Variants in ITPRID2 observed in about 807,000 individuals in gnomAD.
ITPRID2 encodes ITPR interacting domain containing 2.
In ITPRID2, 60 loss-of-function variants were observed where a neutral mutation model predicts 124.3. That is an observed-to-expected ratio of 0.48 (90% CI 0.39 to 0.60). ITPRID2 has a LOEUF of 0.60. Ranked by LOEUF, ITPRID2 falls within the 20% of genes least tolerant of loss-of-function variation. The pLI is 0.00. For missense variants in ITPRID2, 1,553 were observed against 1,512.2 expected (o/e 1.03, Z -0.45); for synonymous variants, 521 against 542.9 (o/e 0.96, Z 0.56).
chr2:181,920,753 AT>A, intron 15 of ITPRID2, 91 bp downstream of exon 15: 2 of 920,624 alleles, frequency 2.2e-6, no homozygotes, highest in Non-Finnish European at 3.4e-6. Flanking sequence ...ATATATGTTT[AT>A]TTTAAATACA....
chr2:181,913,069 A>ATTT (rs200694653), intron 9 of ITPRID2, among the ~76,000 whole-genome samples: 3 of 151,124 alleles, frequency 2.0e-5, no homozygotes, highest in African/African-American at 4.9e-5. Context: ...GTATTTATTT[A>ATTT]TTTATTTATT....
Position 181,915,866 on chromosome 2 carries a change from C to A in ITPRID2, c.2226C>A (p.Thr742=). 1 of 1,614,146 alleles carries A rather than the reference C, an allele frequency of 6.2e-7. No individual in the cohort carries two copies. ...YPLRRSQSLP[T]TLLSPVRVVS... is the part of the protein sequence containing the mutation. ...TAAGAAGGTCTCAGTCTTTACCAAC[C>A]ACCTTATTGAGCCCAGTAAGGGTTG... The change falls in exon 11 of 18, where the codon ACC becomes ACA. Residue 742 remains threonine (T), a synonymous_variant. Coordinates refer to ENST00000431877, the MANE Select transcript of ITPRID2 (RefSeq NM_001130445.3).
At chr2:181,911,723 T>C (rs1157306562) in intron 9 of ITPRID2, among the ~76,000 whole-genome samples, 2 of 152,254 alleles carry the variant, frequency 1.3e-5, no homozygotes, top group South Asian at 2.1e-4. Context: ...CTAAAGAACC[T>C]AGATTGTGAT....
At chr2:181,913,037 A>G (rs1242451403) in intron 9 of ITPRID2, among the ~76,000 whole-genome samples, 2 of 152,094 alleles carry the variant, frequency 1.3e-5, no homozygotes, top group African/African-American at 4.8e-5. Context: ...ATTTCAGATT[A>G]TTTAATTTAC....
chr2:181,896,154 A>G lies in ITPRID2; in HGVS notation c.307+75A>G, dbSNP rs1170646980. 2.1e-5 allele frequency: 27 copies of G among 1,281,902 alleles called. No individual in the cohort carries two copies. Among genetic ancestry groups the G allele is most frequent in the Non-Finnish European group, 2.8e-5 (25 of 886,812 alleles). The allele number at this position is 1,281,902 out of a possible 1,614,324, so 79.4% of individuals were successfully genotyped here. On this transcript the variant is annotated intron_variant, in intron 3 of 17. Transcript: ENST00000431877. This position sits in a 1 kb window ranked among gnomAD's most constrained non-coding sequence, Gnocchi z 4.3. ...CTTTGTCCTCTGGGTAAAAGTGTATATATGACTTATAAAAGTGATATTCAT... is the reference window on the plus strand; with the variant it reads ...CTTTGTCCTCTGGGTAAAAGTGTATGTATGACTTATAAAAGTGATATTCAT...
chr2:181,897,354 G>A (rs1692286616), intron 4 of ITPRID2, among the ~76,000 whole-genome samples: 1 of 151,968 alleles, frequency 6.6e-6, no homozygotes, highest in Non-Finnish European at 1.5e-5. Flanking sequence ...TACAGCTGCA[G>A]CTTGTCTTTC....
At chr2:181,908,400 A>T (rs1214668594) in intron 8 of ITPRID2, among the ~76,000 whole-genome samples, 1 of 152,248 alleles carries the variant, frequency 6.6e-6, no homozygotes, top group Non-Finnish European at 1.5e-5. Flanking sequence ...ACTTTACAGA[A>T]AGATACTTGA....
At chr2:181,929,150 T>C (rs931075039) in intron 17 of ITPRID2, among the ~76,000 whole-genome samples, 4 of 151,744 alleles carry the variant, frequency 2.6e-5, no homozygotes, top group Non-Finnish European at 5.9e-5. Context: ...CTTAAACTCC[T>C]AGCCTCAAGC....
Position 181,919,371 on chromosome 2 carries a change from G to A in ITPRID2, c.3069G>A (p.Glu1023=), listed in dbSNP as rs2125105363. Reference sequence around the variant, plus strand: ...TTCAGGACCTGGAACTGCAGCTGGAGGAGCGCCTGCTGGGCCTGGAGGAGC... The same window carrying A: ...TTCAGGACCTGGAACTGCAGCTGGAAGAGCGCCTGCTGGGCCTGGAGGAGC... ...MELQDLELQL[E]ERLLGLEEQL... The change falls in exon 14 of 18, where the codon GAG becomes GAA. Residue 1023 remains glutamate, a synonymous_variant. Transcript: ENST00000431877. The surrounding 1 kb of genome is among the most constrained non-coding windows in gnomAD (Gnocchi z 4.2). 4 of 1,614,076 alleles carry A rather than the reference G, an allele frequency of 2.5e-6. No homozygotes were observed. Among genetic ancestry groups the A allele is most frequent in the Non-Finnish European group, 3.4e-6 (4 of 1,179,996 alleles).
At position 181,915,725 on chromosome 2, in the gene ITPRID2, G is replaced by A. The variant is rs200344722; in HGVS notation, c.2085G>A (p.Leu695=). 1 of 1,614,058 alleles carries A rather than the reference G, an allele frequency of 6.2e-7. No individual in the cohort carries two copies. The highest frequency in any genetic ancestry group is 8.5e-7 in the Non-Finnish European group (1 of 1,180,046). The change falls in exon 11 of 18, where the codon TTG becomes TTA. Residue 695 remains leucine (L), a synonymous_variant. Transcript: ENST00000431877. ...PSSMDRVNTA[L]QRAQMKVCSL... ...CCATGGACAGAGTTAATACAGCTTT[G>A]CAAAGAGCTCAAATGAAGGTTTGCA...
At chr2:181,899,712 G>C (rs1692504011) in intron 6 of ITPRID2, among the ~76,000 whole-genome samples, 1 of 152,092 alleles carries the variant, frequency 6.6e-6, no homozygotes, top group Non-Finnish European at 1.5e-5. Flanking sequence ...GGTATGGTGG[G>C]ATCCACCTGT....
At chr2:181,920,476 A>G in intron 14 of ITPRID2, 121 bp from the exon 15 acceptor site, 2 of 646,682 alleles carry the variant, frequency 3.1e-6, no homozygotes, top group Non-Finnish European at 4.8e-6. Flanking sequence ...CTAATTAGCC[A>G]ATTAATTTTA....
chr2:181,901,422 G>A (rs1692659514), intron 7 of ITPRID2, among the ~76,000 whole-genome samples: 1 of 152,122 alleles, frequency 6.6e-6, no homozygotes, highest in Admixed American at 6.5e-5. Flanking sequence ...ATTTTCTTAG[G>A]AGAATTTTGA....
intron 11 of ITPRID2, 76 bp from the exon 12 acceptor site, chr2:181,918,522 T>A: frequency 1.3e-6 from 2 of 1,576,400 alleles, no homozygotes; most frequent in South Asian, 2.4e-5. Flanking sequence ...CCCCAAATTC[T>A]GCCTTTTAAC....
chr2:181,912,656 CTTTA>C lies in ITPRID2; in HGVS notation c.1487-1184_1487-1181del, dbSNP rs999583519. Among the ~76,000 whole-genome samples the C allele has an allele frequency of 3.9e-5, 6 of 152,148 alleles. No individual in the cohort carries two copies. The South Asian group carries it at 6.2e-4, about 16-fold the overall frequency. On this transcript the variant is annotated intron_variant, in intron 9 of 17. Coordinates refer to ENST00000431877, the MANE Select transcript of ITPRID2 (RefSeq NM_001130445.3). Reference sequence around the variant, plus strand: ...AATGAATATGGTTTTGGTAAACACACTTTATTTAGCCTTTTGCTTTTGAAGTTCT... The same window carrying C: ...AATGAATATGGTTTTGGTAAACACACTTTAGCCTTTTGCTTTTGAAGTTCT...
chr2:181,915,164 G>C, intron 10 of ITPRID2, 52 bp from the exon 11 acceptor site: 7 of 1,555,022 alleles, frequency 4.5e-6, no homozygotes, highest in Non-Finnish European at 4.3e-6. Flanking sequence ...TATTTTGTTA[G>C]TGACTCTTCT....
Position 181,898,897 on chromosome 2 carries a change from AGTGAT to A in ITPRID2, c.384_388del (p.Asp129SerfsTer3). ...ACCTGTAGCCAACCACCTCCATGAA[AGTGAT>A]GCTCAAATTGAAAACTGGTATGTAG... On this transcript the variant is annotated frameshift_variant, in exon 5 of 18. Coordinates refer to ENST00000431877, the MANE Select transcript of ITPRID2 (RefSeq NM_001130445.3). LOFTEE classifies it high-confidence loss of function. 1 of 1,611,962 alleles carries A rather than the reference AGTGAT, an allele frequency of 6.2e-7. No homozygotes were observed. Among genetic ancestry groups the A allele is most frequent in the Non-Finnish European group, 8.5e-7 (1 of 1,178,226 alleles).
intron 8 of ITPRID2, among the ~76,000 whole-genome samples, chr2:181,906,080 C>T (rs192863524): frequency 3.9e-5 from 6 of 152,152 alleles, no homozygotes; most frequent in African/African-American, 1.2e-4. Flanking sequence ...GTGTAAAACT[C>T]GATAGTATTT....
Position 181,891,756 on chromosome 2 carries a change from G to C in ITPRID2, c.-311G>C, listed in dbSNP as rs2125052199. On this transcript the variant is annotated 5_prime_UTR_variant, in exon 1 of 18. Coordinates refer to ENST00000431877, the MANE Select transcript of ITPRID2 (RefSeq NM_001130445.3). ...GACGCGCAGCGGCCGGCCTGCTCCGGGCGCGTCAGGCAGGGGGTGGGGAGC... is the reference window on the plus strand; with the variant it reads ...GACGCGCAGCGGCCGGCCTGCTCCGCGCGCGTCAGGCAGGGGGTGGGGAGC... 6.1e-6 allele frequency: 1 copy of C among 163,088 alleles called. No homozygotes were observed. Among genetic ancestry groups the C allele is most frequent in the East Asian group, 1.7e-4 (1 of 5,924 alleles). The allele number at this position is 163,088 out of a possible 1,614,324, so 10.1% of individuals were successfully genotyped here. A position where few individuals can be genotyped will look rare whatever the true frequency, so the allele number is the denominator to read the frequency against.
Sources: gnomAD v4.1 joint callset for allele counts (sites outside exome capture counted in the v4.1 genomes callset) on GRCh38, gnomAD v4.1.1 for gene constraint, Gnocchi (gnomAD v3.1) non-coding constraint, MANE v1.5 for transcripts, NCBI Gene and HGNC (gene_info 2026-07-23, HGNC 2026-07-21) for gene names.